The following DDHD1 variants were observed in gnomAD, a reference collection of about 807,000 sequenced individuals.
The protein encoded by DDHD1 is phospholipase DDHD1.
In DDHD1, 49 loss-of-function variants were observed where a neutral mutation model predicts 96.4. The observed-to-expected ratio is 0.51, with a 90% confidence interval of 0.40 to 0.64. The LOEUF is 0.64. Ranked by LOEUF, DDHD1 falls within the 30% of genes least tolerant of loss-of-function variation. The pLI, the probability that DDHD1 is intolerant of heterozygous loss-of-function variation, is 0.00. For missense variants in DDHD1, 1,106 were observed against 1,161.2 expected, an observed-to-expected ratio of 0.95 and a Z score of 0.69; for synonymous variants, 442 against 446.5, an observed-to-expected ratio of 0.99 and a Z score of 0.13.
chr14:53,073,872 G>A (rs370758406), intron 4 of DDHD1, 25 bp from the exon 5 acceptor site: 2 of 1,576,022 alleles, frequency 1.3e-6, no homozygotes, highest in Non-Finnish European at 1.7e-6. Flanking sequence ...AAACAAAAAT[G>A]CAAACAAAGC....
chr14:53,101,812 T>C (rs1386917674), intron 2 of DDHD1, among the ~76,000 whole-genome samples: 2 of 152,002 alleles, frequency 1.3e-5, no homozygotes, highest in Non-Finnish European at 2.9e-5. Context: ...AAAGTACATA[T>C]TAAATTCTAA....
chr14:53,065,597 C>T lies in DDHD1; in HGVS notation c.1504-2392G>A, dbSNP rs77928559. On this transcript the variant is annotated intron_variant, in intron 6 of 12. Coordinates refer to ENST00000673822, the MANE Select transcript of DDHD1 (RefSeq NM_001160148.2). ...TCTGAGAAGTACTGATTGATATACA[C>T]AACTTTTCCCCTAACCATGACTTTT... Among the ~76,000 whole-genome samples the T allele has an allele frequency of 5.4e-3, 815 of 152,282 alleles. 5 individuals carry two copies. The highest frequency in any genetic ancestry group is 0.019 in the African/African-American group (772 of 41,558).
At chr14:53,111,473 C>T (rs1167435082) in intron 1 of DDHD1, among the ~76,000 whole-genome samples, 2 of 152,046 alleles carry the variant, frequency 1.3e-5, no homozygotes, top group African/African-American at 4.8e-5. Context: ...GCTTACAGCA[C>T]AGGCATCAGG....
At chr14:53,112,480 A>G (rs776177990) in intron 1 of DDHD1, among the ~76,000 whole-genome samples, 2 of 152,076 alleles carry the variant, frequency 1.3e-5, no homozygotes, top group African/African-American at 2.4e-5. Flanking sequence ...ATTAATTGCT[A>G]TATCAAAGCC....
intron 4 of DDHD1, among the ~76,000 whole-genome samples, chr14:53,090,143 T>C (rs1236945078): frequency 1.3e-5 from 2 of 152,280 alleles, no homozygotes; most frequent in Non-Finnish European, 2.9e-5. Context: ...TCACTGGCCA[T>C]CAGAGAAATG....
intron 4 of DDHD1, among the ~76,000 whole-genome samples, chr14:53,074,085 T>C (rs1259086679): frequency 2.0e-5 from 3 of 152,068 alleles, no homozygotes; most frequent in Admixed American, 1.3e-4. Context: ...TTTTACATTA[T>C]ATTCTAAATA....
At chr14:53,050,287 T>C (rs1445409858) in intron 12 of DDHD1, among the ~76,000 whole-genome samples, 2 of 152,168 alleles carry the variant, frequency 1.3e-5, no homozygotes, top group African/African-American at 4.8e-5. Context: ...GTTAGTTTTC[T>C]TGAGAAAAAT....
Position 53,044,964 on chromosome 14 carries a change from T to C in DDHD1, c.*1804A>G, listed in dbSNP as rs1215417801. 1.3e-5 allele frequency: 2 copies of C among 152,174 alleles called. No individual in the cohort carries two copies. The highest frequency in any genetic ancestry group is 4.8e-5 in the African/African-American group (2 of 41,440). 9.4% of individuals were successfully genotyped at this position (152,174 alleles called of 1,614,324 possible). ...AGTTAAGAAAAGACAGCACCTTAAG[T>C]GGAACCTAGTGGAAACCACTCAGAA... On this transcript the variant is annotated 3_prime_UTR_variant, in exon 13 of 13. Transcript: ENST00000673822.
chr14:53,099,414 T>C (rs997704065), intron 2 of DDHD1, among the ~76,000 whole-genome samples: 2 of 152,210 alleles, frequency 1.3e-5, no homozygotes, highest in Admixed American at 6.5e-5. Flanking sequence ...CTCCTTAGTC[T>C]ATTCTGTGAC....
chr14:53,114,542 C>G (rs1177795007), intron 1 of DDHD1, among the ~76,000 whole-genome samples: 1 of 152,230 alleles, frequency 6.6e-6, no homozygotes, highest in East Asian at 1.9e-4. Context: ...GAGGAAGGAG[C>G]AGGCAGCAAT....
chr14:53,039,962 T>C lies in DDHD1; in HGVS notation c.*6806A>G, dbSNP rs138136739. 6.6e-6 allele frequency: 1 copy of C among 152,248 alleles called. No individual in the cohort carries two copies. The highest frequency in any genetic ancestry group is 1.5e-5 in the Non-Finnish European group (1 of 68,080). 9.4% of individuals were successfully genotyped at this position (152,248 alleles called of 1,614,324 possible). A position where few individuals can be genotyped will look rare whatever the true frequency, so the allele number is the denominator to read the frequency against. ...TACACTGTCCCATCTCAATTCTACA[T>C]GTAGTCCTTATAGCCTGGCCACGTA... On this transcript the variant is annotated 3_prime_UTR_variant, in exon 13 of 13. Transcript: ENST00000673822.
chr14:53,080,998 G>A (rs559560711), intron 4 of DDHD1, among the ~76,000 whole-genome samples: 232 of 152,114 alleles, frequency 1.5e-3, no homozygotes, highest in Non-Finnish European at 2.0e-3. Flanking sequence ...TATCCCAATA[G>A]TACTTGTTGA....
chr14:53,071,731 C>A (rs544465943), intron 6 of DDHD1, among the ~76,000 whole-genome samples: 51 of 152,192 alleles, frequency 3.4e-4, no homozygotes, highest in African/African-American at 1.2e-3. Flanking sequence ...AGTAAAGTGG[C>A]CCCCTGTTAG....
intron 4 of DDHD1, among the ~76,000 whole-genome samples, chr14:53,079,757 T>C (rs1475793985): frequency 6.6e-6 from 1 of 152,232 alleles, no homozygotes; most frequent in African/African-American, 2.4e-5. Context: ...TACTCCATTA[T>C]ATAAATAAAA....
At chr14:53,114,086 G>T (rs760134997) in intron 1 of DDHD1, among the ~76,000 whole-genome samples, 4 of 152,220 alleles carry the variant, frequency 2.6e-5, no homozygotes, top group Non-Finnish European at 5.9e-5. Context: ...TCCCCTGACA[G>T]TGCTAAGGTG....
intron 1 of DDHD1, among the ~76,000 whole-genome samples, chr14:53,122,370 C>G (rs971077596): frequency 2.0e-5 from 3 of 152,094 alleles, no homozygotes; most frequent in Non-Finnish European, 4.4e-5. Flanking sequence ...GAAGACTATC[C>G]CGAGGGCAGA....
chr14:53,134,512 T>C (rs773480232), intron 1 of DDHD1, among the ~76,000 whole-genome samples: 4 of 151,968 alleles, frequency 2.6e-5, no homozygotes, highest in Non-Finnish European at 4.4e-5. Flanking sequence ...CTCCTAGCCA[T>C]TTCTAATCCT....
chr14:53,134,494 C>A (rs1443412147), intron 1 of DDHD1, among the ~76,000 whole-genome samples: 1 of 151,820 alleles, frequency 6.6e-6, no homozygotes, highest in Non-Finnish European at 1.5e-5. Context: ...ATCAATCTCA[C>A]TCACTCTCTC....
intron 11 of DDHD1, 138 bp downstream of exon 11, chr14:53,054,300 G>T: frequency 1.5e-6 from 1 of 688,190 alleles, no homozygotes; most frequent in Non-Finnish European, 2.3e-6. Context: ...CAGAAGGAAA[G>T]CATTTTTTTC....
Sources: allele counts gnomAD v4.1 joint callset (sites outside exome capture counted in the v4.1 genomes callset), GRCh38; gene constraint gnomAD v4.1.1; transcripts MANE v1.5; gene names NCBI Gene and HGNC (gene_info 2026-07-23, HGNC 2026-07-21).